The following NFIA variants were observed in gnomAD, a reference collection of about 807,000 sequenced individuals.
The protein encoded by NFIA is nuclear factor I A.
In NFIA, 8 loss-of-function variants were observed where a neutral mutation model predicts 62.8. The observed-to-expected ratio is 0.13, with a 90% CI of 0.07 to 0.23. NFIA has a LOEUF of 0.23. NFIA is among the 10% of genes least tolerant of loss of function. The pLI is 1.00. For missense variants in NFIA, 410 were observed against 642.1 expected (o/e 0.64, Z 3.91); for synonymous variants, 235 against 238.1 (o/e 0.99, Z 0.12).
At chr1:61,348,334 G>T (rs1404537469) in intron 4 of NFIA, among the ~76,000 whole-genome samples, 1 of 152,188 alleles carries the variant, frequency 6.6e-6, no homozygotes, top group Non-Finnish European at 1.5e-5. Flanking sequence ...GAATTACTAG[G>T]ATTATTTAAC....
At chr1:61,361,407 G>A (rs961444626) in intron 6 of NFIA, among the ~76,000 whole-genome samples, 1 of 152,190 alleles carries the variant, frequency 6.6e-6, no homozygotes, top group Non-Finnish European at 1.5e-5. Context: ...GCTAATTAGA[G>A]CCCTAGTCAA....
intron 10 of NFIA, among the ~76,000 whole-genome samples, chr1:61,443,763 C>T (rs1667689602): frequency 6.6e-6 from 1 of 152,182 alleles, no homozygotes; most frequent in Non-Finnish European, 1.5e-5. Flanking sequence ...CCTTGGTGCT[C>T]TTTCTCCTGT....
At chr1:61,309,612 C>T (rs1239324657) in intron 3 of NFIA, among the ~76,000 whole-genome samples, 2 of 152,096 alleles carry the variant, frequency 1.3e-5, no homozygotes, top group Non-Finnish European at 2.9e-5. Flanking sequence ...TGGATGTGGC[C>T]GGGCGCAGTG....
intron 2 of NFIA, among the ~76,000 whole-genome samples, chr1:61,216,129 C>G (rs572445309): frequency 6.6e-6 from 1 of 152,294 alleles, no homozygotes; most frequent in African/African-American, 2.4e-5. Flanking sequence ...TACCCATTCC[C>G]TGTATCAGAG....
intron 7 of NFIA, among the ~76,000 whole-genome samples, chr1:61,387,468 C>A (rs374785206): frequency 2.1e-5 from 2 of 95,482 alleles, no homozygotes; most frequent in Non-Finnish European, 4.1e-5. Flanking sequence ...CAAGCACTTT[C>A]TTTTTTTTTT....
chr1:61,249,719 TG>T (rs1209302431), intron 2 of NFIA, among the ~76,000 whole-genome samples: 2 of 152,036 alleles, frequency 1.3e-5, no homozygotes, highest in Non-Finnish European at 2.9e-5. Context: ...GCACAAGAAT[TG>T]CTTGAACCCG....
chr1:61,092,253 G>A (rs368121480), intron 2 of NFIA, among the ~76,000 whole-genome samples: 29 of 152,300 alleles, frequency 1.9e-4, no homozygotes, highest in Non-Finnish European at 4.1e-4. Flanking sequence ...TTAAAATTCA[G>A]TTTGAAAGAT....
At chr1:61,214,891 T>C (rs1653511446) in intron 2 of NFIA, among the ~76,000 whole-genome samples, 1 of 152,230 alleles carries the variant, frequency 6.6e-6, no homozygotes, top group African/African-American at 2.4e-5. Context: ...AAACAGGTCT[T>C]GGCTCCGAGT....
intron 2 of NFIA, among the ~76,000 whole-genome samples, chr1:61,222,682 A>G (rs1258511064): frequency 6.6e-6 from 1 of 152,082 alleles, no homozygotes; most frequent in Non-Finnish European, 1.5e-5. Context: ...TGCTGAAATA[A>G]TGCTTTATAG....
chr1:61,335,454 C>T (rs1322252665), intron 4 of NFIA, among the ~76,000 whole-genome samples: 1 of 152,186 alleles, frequency 6.6e-6, no homozygotes, highest in African/African-American at 2.4e-5. Context: ...TCCTTGTTCC[C>T]CCATGTGGGA....
At chr1:61,449,261 A>T (rs1379313219) in intron 10 of NFIA, among the ~76,000 whole-genome samples, 1 of 152,206 alleles carries the variant, frequency 6.6e-6, no homozygotes, top group Non-Finnish European at 1.5e-5. Context: ...CGAGCATGCT[A>T]GAAGTCATCC....
intron 2 of NFIA, among the ~76,000 whole-genome samples, chr1:61,277,304 G>C (rs1300289310): frequency 1.3e-5 from 2 of 152,162 alleles, no homozygotes; most frequent in Non-Finnish European, 2.9e-5. Flanking sequence ...GTAGGTGTCC[G>C]CAAACCGGAG....
intron 7 of NFIA, among the ~76,000 whole-genome samples, chr1:61,403,429 G>T (rs1437156718): frequency 6.6e-6 from 1 of 152,162 alleles, no homozygotes; most frequent in Non-Finnish European, 1.5e-5. Flanking sequence ...CAGTTTTTAT[G>T]GGCACAGGGC....
At chr1:61,300,014 A>C (rs1157908309) in intron 3 of NFIA, among the ~76,000 whole-genome samples, 1 of 152,104 alleles carries the variant, frequency 6.6e-6, no homozygotes, top group African/African-American at 2.4e-5. Context: ...TCCCAGTAAA[A>C]GTTTCTGGAA....
chr1:61,300,027 T>TA (rs1659409238), intron 3 of NFIA, among the ~76,000 whole-genome samples: 1 of 152,106 alleles, frequency 6.6e-6, no homozygotes, highest in South Asian at 2.1e-4. Context: ...TTCTGGAACT[T>TA]ACAAAAAACT....
At chr1:61,349,463 C>T (rs963453547) in intron 4 of NFIA, among the ~76,000 whole-genome samples, 1 of 152,186 alleles carries the variant, frequency 6.6e-6, no homozygotes, top group African/African-American at 2.4e-5. Context: ...CATTATGGCA[C>T]CTCAATTCAC....
In NFIA at chr1:61,350,160, C is replaced by T. The variant is rs138232953; in HGVS notation, c.701-2290C>T. Among the ~76,000 whole-genome samples the T allele has an allele frequency of 2.6e-3, 394 of 152,270 alleles. 3 individuals carry two copies. Among genetic ancestry groups the T allele is most frequent in the African/African-American group, 9.1e-3 (379 of 41,556 alleles). Reference sequence around the variant, plus strand: ...CTGGTCCTTCTTTGACTATTGAATACAACTCAATGCAGCAACCCATTCCAT... The same window carrying T: ...CTGGTCCTTCTTTGACTATTGAATATAACTCAATGCAGCAACCCATTCCAT... On this transcript the variant is annotated intron_variant, in intron 4 of 10. Transcript: ENST00000403491.
At chr1:61,239,723 T>G (rs917288800) in intron 2 of NFIA, among the ~76,000 whole-genome samples, 1 of 152,132 alleles carries the variant, frequency 6.6e-6, no homozygotes, top group African/African-American at 2.4e-5. Flanking sequence ...AATATATTAT[T>G]CGAAATAATT....
chr1:61,396,668 C>G (rs1442973496), intron 7 of NFIA, among the ~76,000 whole-genome samples: 1 of 152,020 alleles, frequency 6.6e-6, no homozygotes, highest in Non-Finnish European at 1.5e-5. Context: ...TTTTGGGAGG[C>G]CGTGGGGAGG....
Sources: allele counts gnomAD v4.1 joint callset (sites outside exome capture counted in the v4.1 genomes callset), GRCh38; gene constraint gnomAD v4.1.1; transcripts MANE v1.5; gene names NCBI Gene and HGNC (gene_info 2026-07-23, HGNC 2026-07-21).